Variants in BLTP1 observed in about 807,000 individuals in gnomAD.
The protein encoded by BLTP1 is bridge-like lipid transfer protein family member 1.
chr4:122,225,663 C>T, the BLTP1 span: 5 of 151,834 alleles, frequency 3.3e-5, no homozygotes, highest in Admixed American at 6.6e-5. Context: ...TGGAGTTGAA[C>T]GTCATCTCAA....
the BLTP1 span, chr4:122,250,454 A>G: frequency 6.2e-7 from 1 of 1,613,894 alleles, no homozygotes; most frequent in Admixed American, 1.7e-5. Context: ...GACATCCAAT[A>G]ATTCTTCTGA....
chr4:122,163,322 T>C, the BLTP1 span, among the ~76,000 whole-genome samples: 1 of 152,310 alleles, frequency 6.6e-6, no homozygotes, highest in Admixed American at 6.5e-5. Context: ...AGACATCAAA[T>C]AAACTACCAT....
At chr4:122,194,749 G>A in the BLTP1 span, 1 of 782,434 alleles carries the variant, frequency 1.3e-6, no homozygotes, top group Non-Finnish European at 1.5e-6. Context: ...TAAATTTTAG[G>A]GTATATTTAC....
the BLTP1 span, chr4:122,192,182 T>C: frequency 1.3e-6 from 2 of 1,588,568 alleles, no homozygotes; most frequent in Admixed American, 3.5e-5. Flanking sequence ...AACTTTTTAA[T>C]GGCCATTTTA....
chr4:122,348,493 T>A, the BLTP1 span: 1 of 1,290,080 alleles, frequency 7.8e-7, no homozygotes, highest in Non-Finnish European at 1.0e-6. Flanking sequence ...ATTATAGCAA[T>A]AAAAATAGTT....
At chr4:122,339,314 T>G in the BLTP1 span, 1 of 1,613,712 alleles carries the variant, frequency 6.2e-7, no homozygotes, top group Non-Finnish European at 8.5e-7. Flanking sequence ...AACTGGAGAC[T>G]TTAGGGACTA....
the BLTP1 span, among the ~76,000 whole-genome samples, chr4:122,277,296 G>T: frequency 2.6e-5 from 4 of 152,110 alleles, no homozygotes; most frequent in African/African-American, 9.7e-5. Flanking sequence ...AGCTATGATG[G>T]TGTCACTGCA....
chr4:122,320,356 GC>G, the BLTP1 span, among the ~76,000 whole-genome samples: 1 of 151,942 alleles, frequency 6.6e-6, no homozygotes, highest in Non-Finnish European at 1.5e-5. Flanking sequence ...TTGCTATGTT[GC>G]CCAGGCTGGT....
the BLTP1 span, among the ~76,000 whole-genome samples, chr4:122,184,278 T>A: frequency 1.3e-5 from 2 of 152,214 alleles, no homozygotes; most frequent in Admixed American, 6.5e-5. Context: ...GCAGTGTAAG[T>A]AAGATATCTT....
chr4:122,212,113 A>G, the BLTP1 span: 1 of 979,456 alleles, frequency 1.0e-6, no homozygotes, highest in Non-Finnish European at 1.2e-6. Context: ...AGGGAAGCAC[A>G]ATCAAGGTTT....
the BLTP1 span, chr4:122,185,834 T>C: frequency 5.3e-6 from 1 of 187,362 alleles, no homozygotes; most frequent in Non-Finnish European, 1.0e-5. Context: ...TTTAGAATGC[T>C]AAATTAAAAT....
chr4:122,310,130 ATTAC>A, the BLTP1 span, among the ~76,000 whole-genome samples: 16 of 152,222 alleles, frequency 1.1e-4, no homozygotes, highest in South Asian at 1.4e-3. Context: ...TGTAAACTAA[ATTAC>A]TTACTTTTTA....
At chr4:122,341,869 G>C in the BLTP1 span, 1 of 959,656 alleles carries the variant, frequency 1.0e-6, no homozygotes, top group Non-Finnish European at 1.2e-6. Flanking sequence ...AGTAAGTATG[G>C]GTTAGCGAAG....
chr4:122,344,502 A>G, the BLTP1 span: 3 of 1,613,872 alleles, frequency 1.9e-6, no homozygotes, highest in African/African-American at 4.0e-5. Context: ...TCATTTTTTG[A>G]AAGTCAGTCT....
chr4:122,221,612 G>A, the BLTP1 span, among the ~76,000 whole-genome samples: 3 of 151,914 alleles, frequency 2.0e-5, no homozygotes, highest in African/African-American at 7.3e-5. Context: ...TGAAGATACA[G>A]AACTATTCTG....
chr4:122,337,527 A>G, the BLTP1 span, among the ~76,000 whole-genome samples: 7 of 152,118 alleles, frequency 4.6e-5, no homozygotes, highest in African/African-American at 7.2e-5. Context: ...GAGATCATCT[A>G]TATTCACTTT....
At chr4:122,185,795 A>G in the BLTP1 span, among the ~76,000 whole-genome samples, 385 of 152,232 alleles carry the variant, frequency 2.5e-3, 5 homozygotes, top group East Asian at 0.046. Context: ...TTTTCAGTAT[A>G]TAACTGGAAT....
At chr4:122,213,219 T>C in the BLTP1 span, among the ~76,000 whole-genome samples, 1 of 152,114 alleles carries the variant, frequency 6.6e-6, no homozygotes, top group Non-Finnish European at 1.5e-5. Flanking sequence ...AATTATTTTT[T>C]GGAGAGACTG....
At chr4:122,232,338 G>A in the BLTP1 span, among the ~76,000 whole-genome samples, 15 of 152,172 alleles carry the variant, frequency 9.9e-5, no homozygotes, top group Admixed American at 9.8e-4. Flanking sequence ...AATACAGGAT[G>A]CCCAGTTAAA....
Sources: gnomAD v4.1 joint callset for allele counts (sites outside exome capture counted in the v4.1 genomes callset) on GRCh38, gnomAD v4.1.1 for gene constraint, MANE v1.5 for transcripts, NCBI Gene and HGNC (gene_info 2026-07-23, HGNC 2026-07-21) for gene names.